SIRPA: variants seen among roughly 807,000 people sequenced by gnomAD.
SIRPA encodes the protein signal regulatory protein alpha.
Under a neutral mutation model 50.3 loss-of-function variants are expected in SIRPA, and 9 were observed. That is an observed-to-expected ratio of 0.18 (90% CI 0.11 to 0.31). The LOEUF (loss-of-function observed/expected upper bound fraction) is 0.31, where lower values mean the gene tolerates loss of function less well. Among genes scored for constraint, SIRPA ranks in the 10% least tolerant of loss-of-function variants. SIRPA has a pLI of 1.00. For synonymous variants in SIRPA, 265 were observed against 284.1 expected (o/e 0.93, Z 0.68); for missense variants, 474 against 661.6 (o/e 0.72, Z 3.11).
At chr20:1,923,185 C>T (rs1251267477) in intron 4 of SIRPA, among the ~76,000 whole-genome samples, 3 of 152,244 alleles carry the variant, frequency 2.0e-5, no homozygotes, top group South Asian at 4.1e-4. Flanking sequence ...GGCCAAAATG[C>T]ATACTCATGT....
intron 4 of SIRPA, among the ~76,000 whole-genome samples, chr20:1,923,362 A>G (rs1377248945): frequency 6.6e-6 from 1 of 152,262 alleles, no homozygotes; most frequent in East Asian, 1.9e-4. Context: ...CCTGTTATCA[A>G]TGTGGCTGAT....
In SIRPA at chr20:1,936,363, A is replaced by C. The variant is rs776734020; in HGVS notation, c.1267-957A>C. Reference sequence around the variant, plus strand: ...CTCAATAGGTACCAGGCTCTGTTCTAAACGCTTTACCTGGATAATCTCATT... The same window carrying C: ...CTCAATAGGTACCAGGCTCTGTTCTCAACGCTTTACCTGGATAATCTCATT... On this transcript the variant is annotated intron_variant, in intron 7 of 7. Transcript: ENST00000358771. This position sits in a 1 kb window ranked among gnomAD's most constrained non-coding sequence, Gnocchi z 4.2. Among the ~76,000 whole-genome samples the C allele has an allele frequency of 2.0e-5, 3 of 152,194 alleles. No individual in the cohort carries two copies. The highest frequency in any genetic ancestry group is 4.4e-5 in the Non-Finnish European group (3 of 68,030).
chr20:1,915,533 T>C (rs1985228013), intron 2 of SIRPA, 78 bp downstream of exon 2: 6 of 1,526,544 alleles, frequency 3.9e-6, no homozygotes, highest in South Asian at 3.5e-5. Flanking sequence ...CTTTGAGCAA[T>C]GATCAGGTGT....
chr20:1,936,845 G>A lies in SIRPA; in HGVS notation c.1267-475G>A, dbSNP rs1986604042. Among the ~76,000 whole-genome samples the A allele has an allele frequency of 6.6e-6, 1 of 152,210 alleles. No homozygotes were observed. The highest frequency in any genetic ancestry group is 2.4e-5 in the African/African-American group (1 of 41,448). On this transcript the variant is annotated intron_variant, in intron 7 of 7. Transcript: ENST00000358771. The surrounding 1 kb of genome is among the most constrained non-coding windows in gnomAD (Gnocchi z 4.2). The stretch of plus-strand genomic sequence containing the variant: ...CTGTGATGGAAAACAAACATGGGCT[G>A]AGGAAGCACAAAGAAGGAACATGGA...
At position 1,915,400 on chromosome 20, in the gene SIRPA, G is replaced by A. The variant is rs779440704; in HGVS notation, c.381G>A (p.Gly127=). 1 of 1,590,368 alleles carries A rather than the reference G, an allele frequency of 6.3e-7. No homozygotes were observed. The highest frequency in any genetic ancestry group is 8.5e-7 in the Non-Finnish European group (1 of 1,169,904). Residue 127 remains glycine (G), a synonymous_variant, in exon 2 of 8, where the codon GGG becomes GGA. Coordinates refer to ENST00000358771, the MANE Select transcript of SIRPA (RefSeq NM_001040023.2). ...ACTACTGTGTGAAGTTCCGGAAAGG[G>A]AGCCCCGATGACGTGGAGTTTAAGT... The part of the protein sequence containing the change: ...GTYYCVKFRK[G]SPDDVEFKSG...
At chr20:1,895,744 T>G (rs1983762887) in intron 1 of SIRPA, among the ~76,000 whole-genome samples, 1 of 151,886 alleles carries the variant, frequency 6.6e-6, no homozygotes, top group African/African-American at 2.4e-5. Flanking sequence ...TCTATGAGAG[T>G]TTGTCTCTGT....
chr20:1,904,881 G>A (rs1984454537), intron 1 of SIRPA, among the ~76,000 whole-genome samples: 1 of 152,082 alleles, frequency 6.6e-6, no homozygotes, highest in Admixed American at 6.5e-5. Context: ...GGGAGGAGAG[G>A]CCATGGAGGG....
At chr20:1,930,075 C>T (rs1183237036) in intron 6 of SIRPA, among the ~76,000 whole-genome samples, 1 of 152,142 alleles carries the variant, frequency 6.6e-6, no homozygotes, top group Non-Finnish European at 1.5e-5. Flanking sequence ...CATGCACTAC[C>T]CAGGGTCCCC....
At position 1,933,407 on chromosome 20, in the gene SIRPA, C is replaced by G. The variant is rs1333704363; in HGVS notation, c.1227-1308C>G. Reference sequence around the variant, plus strand: ...GTACATAACATCAAATGCCACCCCCCCCCCGAAATATCTGGTGGGCAGATG... The same window carrying G: ...GTACATAACATCAAATGCCACCCCCGCCCCGAAATATCTGGTGGGCAGATG... On this transcript the variant is annotated intron_variant, in intron 6 of 7. Transcript: ENST00000358771. The surrounding 1 kb of genome is among the most constrained non-coding windows in gnomAD (Gnocchi z 4.4). Among the ~76,000 whole-genome samples, 3 of 151,622 alleles carry G rather than the reference C, an allele frequency of 2.0e-5. No homozygotes were observed. Among genetic ancestry groups the G allele is most frequent in the East Asian group, 3.9e-4 (2 of 5,162 alleles).
chr20:1,937,614 G>C lies in SIRPA; in HGVS notation c.*46G>C. On this transcript the variant is annotated 3_prime_UTR_variant, in exon 8 of 8. Coordinates refer to ENST00000358771, the MANE Select transcript of SIRPA (RefSeq NM_001040023.2). The surrounding 1 kb of genome is among the most constrained non-coding windows in gnomAD (Gnocchi z 8.3). ...AGCACCCATCTCTACGCGCTTTCTT[G>C]TCCCACAGGGAGCCGCCGTGATGAG... 1 of 1,596,180 alleles carries C rather than the reference G, an allele frequency of 6.3e-7. No homozygotes were observed. Among genetic ancestry groups the C allele is most frequent in the Non-Finnish European group, 8.6e-7 (1 of 1,168,568 alleles).
intron 1 of SIRPA, among the ~76,000 whole-genome samples, chr20:1,897,355 G>A (rs1251358242): frequency 1.3e-5 from 2 of 152,220 alleles, no homozygotes; most frequent in African/African-American, 4.8e-5. Flanking sequence ...TTGGTCGAGG[G>A]TGGTGGGGAA....
At chr20:1,909,466 G>A (rs1376786334) in intron 1 of SIRPA, among the ~76,000 whole-genome samples, 1 of 152,004 alleles carries the variant, frequency 6.6e-6, no homozygotes, top group Non-Finnish European at 1.5e-5. Context: ...GTTCTAAGTT[G>A]ATTTTTTTTT....
intron 2 of SIRPA, among the ~76,000 whole-genome samples, chr20:1,919,410 C>A (rs1354973120): frequency 6.6e-6 from 1 of 152,108 alleles, no homozygotes. Context: ...GATGGGAGAA[C>A]AGCTTTTCAG....
At position 1,933,460 on chromosome 20, in the gene SIRPA, A is replaced by G. The variant is rs1434710013; in HGVS notation, c.1227-1255A>G. Among the ~76,000 whole-genome samples the G allele has an allele frequency of 1.3e-5, 2 of 149,886 alleles. No homozygotes were observed. The highest frequency in any genetic ancestry group is 2.0e-4 in the East Asian group (1 of 5,022). ...TGGGTACATGAGGGCAGGGCAGTGA[A>G]TTAGCCTGGAGGCAGCACGTCAGAC... On this transcript the variant is annotated intron_variant, in intron 6 of 7. Transcript: ENST00000358771. This position sits in a 1 kb window ranked among gnomAD's most constrained non-coding sequence, Gnocchi z 4.4.
chr20:1,917,136 AAGG>A (rs1476567291), intron 2 of SIRPA, among the ~76,000 whole-genome samples: 3 of 152,164 alleles, frequency 2.0e-5, no homozygotes, highest in Non-Finnish European at 4.4e-5. Flanking sequence ...CTGGATGAGA[AAGG>A]AGGGAGGTGG....
At chr20:1,931,369 A>G (rs754841497) in intron 6 of SIRPA, among the ~76,000 whole-genome samples, 4 of 152,224 alleles carry the variant, frequency 2.6e-5, no homozygotes, top group Non-Finnish European at 5.9e-5. Context: ...AAGCACCGGA[A>G]TGATGACTTC....
upstream of SIRPA, chr20:1,895,329 G>C (rs1392889648): frequency 8.1e-6 from 5 of 617,750 alleles, no homozygotes; most frequent in Non-Finnish European, 1.2e-5. Context: ...CGGAGTCGGG[G>C]GGAGGCCCAG....
rs1440181933 is a variant in SIRPA, at chr20:1,940,048, G to A, written c.*2480G>A. The A allele has an allele frequency of 3.3e-5, 5 of 152,240 alleles. No individual in the cohort carries two copies. Among genetic ancestry groups the A allele is most frequent in the Non-Finnish European group, 7.3e-5 (5 of 68,048 alleles). The allele number at this position is 152,240 out of a possible 1,614,324, so 9.4% of individuals were successfully genotyped here. A position where few individuals can be genotyped will look rare whatever the true frequency, so the allele number is the denominator to read the frequency against. On this transcript the variant is annotated 3_prime_UTR_variant, in exon 8 of 8. Coordinates refer to ENST00000358771, the MANE Select transcript of SIRPA (RefSeq NM_001040023.2). ...ATTTGAGCCCCTCACGTAGGTTTTA[G>A]AGACGTACAATTTTTGTTTGCCCTG...
At chr20:1,921,327 G>T (rs945120795) in intron 2 of SIRPA, 68 bp from the exon 3 acceptor site, 9 of 1,608,780 alleles carry the variant, frequency 5.6e-6, no homozygotes, top group Non-Finnish European at 7.7e-6. Context: ...TTCTTAACGT[G>T]TCACACACTT....
Sources: gnomAD v4.1 joint callset for allele counts (sites outside exome capture counted in the v4.1 genomes callset) on GRCh38, gnomAD v4.1.1 for gene constraint, Gnocchi (gnomAD v3.1) non-coding constraint, MANE v1.5 for transcripts, NCBI Gene and HGNC (gene_info 2026-07-23, HGNC 2026-07-21) for gene names.